Variants in RSPO2 observed in about 807,000 individuals in gnomAD.
RSPO2 encodes R-spondin-2.
In RSPO2, 14 loss-of-function variants were observed where a neutral mutation model predicts 30.9. That is an observed-to-expected ratio of 0.45 (90% CI 0.30 to 0.71). The LOEUF (loss-of-function observed/expected upper bound fraction) is 0.71. Ranked by LOEUF, RSPO2 falls within the 30% of genes least tolerant of loss-of-function variation. The pLI is 0.08. For missense variants in RSPO2, 264 were observed against 301.9 expected (o/e 0.87, Z 0.93); for synonymous variants, 107 against 96.4 (o/e 1.11, Z -0.64).
rs149313354 is a variant in RSPO2 at position 108,047,777 on chromosome 8, G to A, written c.94+34768C>T. 3.8e-3 allele frequency among the ~76,000 whole-genome samples: 578 copies of A among 151,862 alleles called. 2 individuals carry two copies. The highest frequency in any genetic ancestry group is 0.014 in the Middle Eastern group (4 of 294). On this transcript the variant is annotated intron_variant, in intron 2 of 5. Coordinates refer to ENST00000276659, the MANE Select transcript of RSPO2 (RefSeq NM_178565.5). ...GAGGCAGGAGAATTGCTTGAACCCGGGAGGCAGAGGTTGCAGTGAACCAAG... is the reference window on the plus strand; with the variant it reads ...GAGGCAGGAGAATTGCTTGAACCCGAGAGGCAGAGGTTGCAGTGAACCAAG...
chr8:107,948,676 G>A (rs549478358), intron 5 of RSPO2, among the ~76,000 whole-genome samples: 61 of 151,918 alleles, frequency 4.0e-4, no homozygotes, highest in Non-Finnish European at 7.2e-4. Context: ...TGGCTAACAC[G>A]GTGAAACCCT....
chr8:108,065,155 G>T (rs1217347710), intron 2 of RSPO2, among the ~76,000 whole-genome samples: 1 of 151,204 alleles, frequency 6.6e-6, no homozygotes, highest in Non-Finnish European at 1.5e-5. Flanking sequence ...ATGTACCCTA[G>T]AATTTAAAGT....
At chr8:108,004,931 C>T (rs1815403203) in intron 2 of RSPO2, among the ~76,000 whole-genome samples, 1 of 151,938 alleles carries the variant, frequency 6.6e-6, no homozygotes, top group South Asian at 2.1e-4. Flanking sequence ...CTTTATAGTT[C>T]TTTATTTTTT....
chr8:107,911,084 A>G (rs1811809309), intron 5 of RSPO2, among the ~76,000 whole-genome samples: 1 of 152,144 alleles, frequency 6.6e-6, no homozygotes, highest in South Asian at 2.1e-4. Context: ...CTACTGTTAA[A>G]TGAACTCTCC....
intron 5 of RSPO2, among the ~76,000 whole-genome samples, chr8:107,901,983 C>G (rs1036343155): frequency 2.0e-5 from 3 of 152,130 alleles, no homozygotes; most frequent in African/African-American, 7.2e-5. Context: ...TTCTTTGCCT[C>G]TGCTATATTT....
At chr8:108,014,860 A>G (rs1165692376) in intron 2 of RSPO2, among the ~76,000 whole-genome samples, 1 of 150,712 alleles carries the variant, frequency 6.6e-6, no homozygotes. Context: ...AAAAAAAAAG[A>G]AAAAAAATTC....
At chr8:107,965,404 A>T (rs1813767895) in intron 3 of RSPO2, among the ~76,000 whole-genome samples, 1 of 152,142 alleles carries the variant, frequency 6.6e-6, no homozygotes, top group African/African-American at 2.4e-5. Flanking sequence ...GGGCTCTAAT[A>T]TAACATTTTT....
intron 4 of RSPO2, among the ~76,000 whole-genome samples, chr8:107,959,141 G>T (rs1187878401): frequency 2.0e-5 from 3 of 152,136 alleles, no homozygotes; most frequent in Non-Finnish European, 4.4e-5. Flanking sequence ...TGTTTTAGTT[G>T]GGAAGCACTT....
At chr8:107,952,700 T>C (rs975099055) in intron 5 of RSPO2, among the ~76,000 whole-genome samples, 3 of 152,200 alleles carry the variant, frequency 2.0e-5, no homozygotes, top group Admixed American at 2.0e-4. Context: ...TATTTCCTGC[T>C]CTGGGGTTAA....
At chr8:107,976,032 C>G (rs926484574) in intron 3 of RSPO2, among the ~76,000 whole-genome samples, 3 of 152,184 alleles carry the variant, frequency 2.0e-5, no homozygotes, top group Non-Finnish European at 4.4e-5. Context: ...TGAGCTTTCT[C>G]CAGCTGGCAG....
Position 108,083,604 on chromosome 8 carries a change from C to G in RSPO2, c.-577G>C, listed in dbSNP as rs1813285280. 6.6e-6 allele frequency: 1 copy of G among 152,304 alleles called. No individual in the cohort carries two copies. The highest frequency in any genetic ancestry group is 2.1e-4 in the South Asian group (1 of 4,824). 9.4% of individuals were successfully genotyped at this position (152,304 alleles called of 1,614,324 possible). ...GAAGGGATGTGGCAAGCGCACTTTC[C>G]GATGGAGATGCAGACCGGCTGAGGC... On this transcript the variant is annotated 5_prime_UTR_variant, in exon 1 of 6. Transcript: ENST00000276659.
At chr8:108,045,849 A>G (rs2130666920) in intron 2 of RSPO2, among the ~76,000 whole-genome samples, 1 of 152,292 alleles carries the variant, frequency 6.6e-6, no homozygotes, top group South Asian at 2.1e-4. Flanking sequence ...CACAGAGTCG[A>G]CACTCCGGAA....
At chr8:107,997,126 T>A (rs989484456) in intron 2 of RSPO2, 1 of 235,442 alleles carries the variant, frequency 4.2e-6, no homozygotes, top group African/African-American at 2.3e-5. Flanking sequence ...TCCATTTAAT[T>A]CACCATTGTC....
At chr8:108,061,895 T>A (rs1180162983) in intron 2 of RSPO2, among the ~76,000 whole-genome samples, 1 of 151,656 alleles carries the variant, frequency 6.6e-6, no homozygotes, top group East Asian at 1.9e-4. Context: ...TCAAAACCGC[T>A]CAACTACATG....
At chr8:107,941,753 C>T (rs940566205) in intron 5 of RSPO2, among the ~76,000 whole-genome samples, 1 of 152,148 alleles carries the variant, frequency 6.6e-6, no homozygotes, top group African/African-American at 2.4e-5. Flanking sequence ...TTCTGAAGTG[C>T]TTCTTGATTG....
chr8:107,904,262 A>T (rs561542454), intron 5 of RSPO2, among the ~76,000 whole-genome samples: 163 of 152,076 alleles, frequency 1.1e-3, no homozygotes, highest in African/African-American at 3.9e-3. Context: ...GGCAAATATG[A>T]TGGCAGTCAC....
intron 2 of RSPO2, among the ~76,000 whole-genome samples, chr8:108,014,906 CG>C (rs957333009): frequency 1.1e-4 from 17 of 149,470 alleles, no homozygotes; most frequent in South Asian, 2.1e-4. Flanking sequence ...ATGGAGCATT[CG>C]GGGGGAAAAA....
chr8:107,910,527 T>C (rs1440146531), intron 5 of RSPO2, among the ~76,000 whole-genome samples: 1 of 152,166 alleles, frequency 6.6e-6, no homozygotes, highest in African/African-American at 2.4e-5. Context: ...AGCAATACCC[T>C]GTCTCTTAAA....
chr8:107,968,715 A>G (rs763977272), intron 3 of RSPO2, among the ~76,000 whole-genome samples: 38 of 152,130 alleles, frequency 2.5e-4, no homozygotes, highest in Admixed American at 5.9e-4. Context: ...TACAACTATT[A>G]AATATAAATA....
Sources: gnomAD v4.1 joint callset for allele counts (sites outside exome capture counted in the v4.1 genomes callset) on GRCh38, gnomAD v4.1.1 for gene constraint, MANE v1.5 for transcripts, NCBI Gene and HGNC (gene_info 2026-07-23, HGNC 2026-07-21) for gene names.